The following DNAH12 variants were observed in gnomAD, a reference collection of about 807,000 sequenced individuals.
DNAH12 encodes axonemal beta dynein heavy chain 12.
A neutral mutation model predicts 371.5 loss-of-function variants in DNAH12; 285 were observed. The ratio of observed to expected loss-of-function variants is 0.77; its 90% CI spans 0.70 to 0.85. The LOEUF (loss-of-function observed/expected upper bound fraction) is 0.85. Ranked by LOEUF, DNAH12 falls within the 40% of genes least tolerant of loss-of-function variation. DNAH12 has a pLI of 0.00. For missense variants in DNAH12, 3,611 were observed against 3,689.4 expected (o/e 0.98, Z 0.55); for synonymous variants, 1,200 against 1,213.0 (o/e 0.99, Z 0.22).
At chr3:57,465,862 T>C (rs932479997) in intron 17 of DNAH12, among the ~76,000 whole-genome samples, 5 of 152,136 alleles carry the variant, frequency 3.3e-5, no homozygotes, top group African/African-American at 1.2e-4. Flanking sequence ...TATGAAAATA[T>C]GCTTAAAATT....
At chr3:57,332,560 G>A (rs543390549) in intron 62 of DNAH12, among the ~76,000 whole-genome samples, 170 of 152,298 alleles carry the variant, frequency 1.1e-3, no homozygotes, top group African/African-American at 3.4e-3. Context: ...GGAACAGCGA[G>A]AGTGATTAAG....
chr3:57,339,042 T>C (rs1166007604), intron 60 of DNAH12, among the ~76,000 whole-genome samples: 1 of 152,230 alleles, frequency 6.6e-6, no homozygotes, highest in East Asian at 1.9e-4. Context: ...AGAAAAATTC[T>C]TCTGCCTTGG....
At chr3:57,425,312 A>T (rs1247026918) in intron 34 of DNAH12, among the ~76,000 whole-genome samples, 171 bp from the exon 35 acceptor site, 1 of 152,110 alleles carries the variant, frequency 6.6e-6, no homozygotes, top group African/African-American at 2.4e-5. Flanking sequence ...CAGTTGCACA[A>T]TCATAGCTCA....
chr3:57,386,066 A>C (rs1193212461), intron 47 of DNAH12, among the ~76,000 whole-genome samples: 1 of 152,112 alleles, frequency 6.6e-6, no homozygotes, highest in Non-Finnish European at 1.5e-5. Flanking sequence ...AACACTAGTA[A>C]GTATTACTAG....
chr3:57,428,570 T>C (rs571195081), intron 34 of DNAH12, 63 bp downstream of exon 34: 4 of 1,511,674 alleles, frequency 2.6e-6, no homozygotes, highest in Non-Finnish European at 3.5e-6. Flanking sequence ...ACTGTGACTT[T>C]AGACTTAGTC....
chr3:57,510,752 A>G (rs2067962907), intron 5 of DNAH12, 38 bp downstream of exon 5: 1 of 1,594,814 alleles, frequency 6.3e-7, no homozygotes, highest in Admixed American at 1.8e-5. Context: ...GGGGAGGCCA[A>G]GGTGAAAGAA....
intron 43 of DNAH12, among the ~76,000 whole-genome samples, chr3:57,394,908 C>CT (rs2063704722): frequency 6.6e-6 from 1 of 152,136 alleles, no homozygotes; most frequent in African/African-American, 2.4e-5. Context: ...AAGATATGGG[C>CT]TCAGTAGTGT....
chr3:57,355,784 A>C (rs2062783817), intron 59 of DNAH12, among the ~76,000 whole-genome samples: 1 of 152,182 alleles, frequency 6.6e-6, no homozygotes, highest in African/African-American at 2.4e-5. Flanking sequence ...AGGGATTTCA[A>C]TCACTCAGCA....
chr3:57,318,985 G>A (rs78037475), intron 65 of DNAH12, among the ~76,000 whole-genome samples: 1 of 152,082 alleles, frequency 6.6e-6, no homozygotes, highest in East Asian at 1.9e-4. Context: ...AATAATTTAA[G>A]TCTTCCAATC....
At chr3:57,474,911 G>C (rs897370912) in intron 13 of DNAH12, among the ~76,000 whole-genome samples, 1 of 151,790 alleles carries the variant, frequency 6.6e-6, no homozygotes, top group Non-Finnish European at 1.5e-5. Flanking sequence ...GGGAGGCAGA[G>C]GTTGCAGTGA....
rs2065949322 is a variant in DNAH12 at position 57,457,989 on chromosome 3, G to A, written c.3068C>T (p.Ser1023Phe). ...RLFFPRFFFL[S>F]NDEMLEILSE... ...TAAAATCTCTAACATTTCATCATTAGATAAGAAGAAAAAACTAGGGAAAAA... is the reference window on the plus strand; with the variant it reads ...TAAAATCTCTAACATTTCATCATTAAATAAGAAGAAAAAACTAGGGAAAAA... The change falls in exon 22 of 74, where the codon TCT becomes TTT. Residue 1023 changes from serine to phenylalanine, a missense_variant. Physicochemically the swap from Ser to Phe is radical, Grantham distance 155. Transcript: ENST00000495027. 6 of 1,547,174 alleles carry A rather than the reference G, an allele frequency of 3.9e-6. No homozygotes were observed. In the East Asian group the frequency reaches 1.5e-4, roughly 38 times the overall value.
chr3:57,390,466 G>A (rs1388932332), intron 45 of DNAH12, among the ~76,000 whole-genome samples: 1 of 63,976 alleles, frequency 1.6e-5, no homozygotes, highest in Non-Finnish European at 3.8e-5. Context: ...GACCAACCAT[G>A]ATTCAATCCC....
At chr3:57,462,539 A>T in intron 18 of DNAH12, 151 bp downstream of exon 18, 1 of 872,144 alleles carries the variant, frequency 1.1e-6, no homozygotes, top group Non-Finnish European at 1.7e-6. Flanking sequence ...GATGTGAGCT[A>T]CCGCACCCAG....
At chr3:57,511,000 T>C (rs1376420017) in intron 4 of DNAH12, 21 bp from the exon 5 acceptor site, 1 of 1,558,822 alleles carries the variant, frequency 6.4e-7, no homozygotes, top group Non-Finnish European at 8.7e-7. Flanking sequence ...AAGAAAAAAT[T>C]AAATGTTCTG....
At chr3:57,523,977 G>T (rs2068544401) in intron 2 of DNAH12, 93 bp from the exon 3 acceptor site, 2 of 831,812 alleles carry the variant, frequency 2.4e-6, no homozygotes, top group African/African-American at 1.7e-5. Flanking sequence ...ACTATACTAA[G>T]AGATATTCAA....
At position 57,401,729 on chromosome 3, in the gene DNAH12, G is replaced by C. The variant is rs188348900; in HGVS notation, c.6948+1580C>G. On this transcript the variant is annotated intron_variant, in intron 43 of 73. Coordinates refer to ENST00000495027, the MANE Select transcript of DNAH12 (RefSeq NM_001366028.2). ...TTAGAGTGGAGATGAATGAAATAGAGAATAGAAGATCAATACAAAAAAAAA... is the reference window on the plus strand; with the variant it reads ...TTAGAGTGGAGATGAATGAAATAGACAATAGAAGATCAATACAAAAAAAAA... 8.6e-5 allele frequency among the ~76,000 whole-genome samples: 13 copies of C among 151,474 alleles called. No homozygotes were observed. The East Asian group carries it at 2.5e-3, about 29-fold the overall frequency.
rs117722335 is a variant in DNAH12 at position 57,486,753 on chromosome 3, G to A, written c.1514+2756C>T. Among the ~76,000 whole-genome samples the A allele has an allele frequency of 4.3e-3, 655 of 152,226 alleles. 3 individuals carry two copies. Among genetic ancestry groups the A allele is most frequent in the Middle Eastern group, 6.8e-3 (2 of 294 alleles). On this transcript the variant is annotated intron_variant, in intron 12 of 73. Transcript: ENST00000495027. Reference sequence around the variant, plus strand: ...GAGGATCCCTTGAGCCCAGGAGTTCGAGGTGGAAGTGAGCTATAATTGTGC... The same window carrying A: ...GAGGATCCCTTGAGCCCAGGAGTTCAAGGTGGAAGTGAGCTATAATTGTGC...
Position 57,446,224 on chromosome 3 carries a change from T to A in DNAH12, c.3986A>T (p.Glu1329Val), listed in dbSNP as rs780042413. The change falls in exon 27 of 74, where the codon GAA (glutamate) becomes GTA (valine). Residue 1329 changes from glutamate (E) to valine (V), a missense_variant. Glu to Val is a moderately radical substitution (Grantham distance 121). Transcript: ENST00000495027. ...ASSGAWACFD[E>V]FNRIELEVLS... ...CACTTCCAACTCAATTCGATTGAAT[T>A]CATCAAAGCAAGCCCAAGCACCAGA... The A allele has an allele frequency of 1.3e-6, 2 of 1,551,776 alleles. No individual in the cohort carries two copies. The highest frequency in any genetic ancestry group is 3.9e-5 in the Admixed American group (2 of 50,962).
At chr3:57,554,744 T>C in the DNAH12 span, among the ~76,000 whole-genome samples, 4 of 152,008 alleles carry the variant, frequency 2.6e-5, no homozygotes, top group African/African-American at 4.8e-5. Flanking sequence ...GCCTCCCTAG[T>C]AGCTGGGATT....
Sources: gnomAD v4.1 joint callset for allele counts (sites outside exome capture counted in the v4.1 genomes callset) on GRCh38, gnomAD v4.1.1 for gene constraint, MANE v1.5 for transcripts, NCBI Gene and HGNC (gene_info 2026-07-23, HGNC 2026-07-21) for gene names.